PHIP: variants seen among roughly 807,000 people sequenced by gnomAD.
The protein encoded by PHIP is PH-interacting protein.
Under a neutral mutation model 236.8 loss-of-function variants are expected in PHIP, and 54 were observed. The ratio of observed to expected loss-of-function variants is 0.23; its 90% CI spans 0.18 to 0.29. The LOEUF (loss-of-function observed/expected upper bound fraction) is 0.29, where lower values mean the gene tolerates loss of function less well. Among genes scored for constraint, PHIP ranks in the 10% least tolerant of loss-of-function variants. The pLI is 1.00. For missense variants in PHIP, 1,370 were observed against 2,190.8 expected (o/e 0.63, Z 7.48); for synonymous variants, 756 against 718.9 (o/e 1.05, Z -0.83).
intron 19 of PHIP, 53 bp from the exon 20 acceptor site, chr6:78,991,038 T>A (rs2127724001): frequency 9.3e-7 from 1 of 1,070,016 alleles, no homozygotes; most frequent in South Asian, 1.4e-5. Flanking sequence ...ATAACTTTCC[T>A]CCAAAAGGAA....
At chr6:78,985,484 G>T in intron 21 of PHIP, 56 bp from the exon 22 acceptor site, 2 of 889,634 alleles carry the variant, frequency 2.2e-6, no homozygotes, top group Non-Finnish European at 3.8e-6. Context: ...AACATTTTAT[G>T]ATTACAGAAA....
Position 78,941,317 on chromosome 6 carries a change from G to A in PHIP, c.4842C>T (p.Asn1614=), listed in dbSNP as rs1230601411. 2 of 1,612,530 alleles carry A rather than the reference G, an allele frequency of 1.2e-6. No homozygotes were observed. The highest frequency in any genetic ancestry group is 2.2e-5 in the South Asian group (2 of 90,982). The part of the protein sequence containing the change: ...SAVIEQGDCK[N]NALVPGTIQV... ...GAATGGTTCCTGGTACAAGAGCGTT[G>A]TTCTTACAATCTCCTAAAAGGGAAC... The change falls in exon 40 of 40, where the codon AAC becomes AAT. Residue 1614 remains asparagine, a synonymous_variant. Coordinates refer to ENST00000275034, the MANE Select transcript of PHIP (RefSeq NM_017934.7).
At chr6:79,031,209 G>A (rs914749856) in intron 7 of PHIP, among the ~76,000 whole-genome samples, 2 of 152,118 alleles carry the variant, frequency 1.3e-5, no homozygotes, top group Non-Finnish European at 2.9e-5. Flanking sequence ...CTCCTAAAGT[G>A]CTGGGATTAT....
At chr6:79,075,158 C>T (rs1187423154) in intron 4 of PHIP, among the ~76,000 whole-genome samples, 1 of 151,972 alleles carries the variant, frequency 6.6e-6, no homozygotes, top group Non-Finnish European at 1.5e-5. Flanking sequence ...TATTAAACAG[C>T]GAGATCAACT....
chr6:79,001,148 TAGA>T (rs1769967403), intron 17 of PHIP, among the ~76,000 whole-genome samples: 1 of 152,104 alleles, frequency 6.6e-6, no homozygotes, highest in African/African-American at 2.4e-5. Flanking sequence ...AAAAATATAG[TAGA>T]AGTATTCATA....
At chr6:79,022,131 G>A (rs1418025452) in intron 9 of PHIP, among the ~76,000 whole-genome samples, 2 of 152,094 alleles carry the variant, frequency 1.3e-5, no homozygotes, top group African/African-American at 4.8e-5. Context: ...AAGGGCCTTG[G>A]GCCGAGTTCA....
At chr6:78,962,743 A>G (rs889344009) in intron 30 of PHIP, among the ~76,000 whole-genome samples, 3 of 152,070 alleles carry the variant, frequency 2.0e-5, no homozygotes, top group African/African-American at 7.2e-5. Flanking sequence ...AGTACAAGCT[A>G]CCCATATAAT....
At chr6:79,052,980 A>G (rs1275554553) in intron 6 of PHIP, among the ~76,000 whole-genome samples, 2 of 152,166 alleles carry the variant, frequency 1.3e-5, no homozygotes, top group Non-Finnish European at 2.9e-5. Context: ...CAGAGATATA[A>G]TGTCATTGGT....
At chr6:78,998,135 G>T in intron 18 of PHIP, 119 bp downstream of exon 18, 4 of 676,266 alleles carry the variant, frequency 5.9e-6, no homozygotes, top group Non-Finnish European at 7.5e-6. Context: ...GATCATTTTG[G>T]CAACCTAATA....
intron 31 of PHIP, among the ~76,000 whole-genome samples, chr6:78,959,733 A>G (rs577525918): frequency 1.3e-5 from 2 of 152,140 alleles, no homozygotes; most frequent in Non-Finnish European, 2.9e-5. Context: ...TTTTTCCTAA[A>G]TTGGCTACAA....
chr6:78,962,065 T>C (rs1766817270), intron 30 of PHIP, among the ~76,000 whole-genome samples: 1 of 152,130 alleles, frequency 6.6e-6, no homozygotes, highest in Admixed American at 6.5e-5. Context: ...TATATATACA[T>C]ATATCAGACC....
At chr6:78,997,803 T>C (rs1769721155) in intron 18 of PHIP, among the ~76,000 whole-genome samples, 1 of 152,178 alleles carries the variant, frequency 6.6e-6, no homozygotes, top group African/African-American at 2.4e-5. Flanking sequence ...GATAAGTCAA[T>C]GAATCATAAC....
chr6:79,075,529 G>A (rs1774107026), intron 4 of PHIP, among the ~76,000 whole-genome samples: 2 of 151,450 alleles, frequency 1.3e-5, no homozygotes, highest in South Asian at 2.1e-4. Flanking sequence ...TTAAATCTGC[G>A]ATGCAGACTA....
At position 78,936,584 on chromosome 6, in the gene PHIP, A is replaced by G. The variant is rs1397278525; in HGVS notation, c.*4109T>C. 6.6e-6 allele frequency: 1 copy of G among 151,884 alleles called. No individual in the cohort carries two copies. 9.4% of individuals were successfully genotyped at this position (151,884 alleles called of 1,614,324 possible). On this transcript the variant is annotated 3_prime_UTR_variant, in exon 40 of 40. Coordinates refer to ENST00000275034, the MANE Select transcript of PHIP (RefSeq NM_017934.7). ...ATGCACTAAGTATTTGGTCTGTGCC[A>G]TAAGGTTAATTTCCTGATAATTTTT... is the stretch of plus-strand genomic sequence containing the variant.
At chr6:79,017,976 A>C (rs76500487) in intron 10 of PHIP, among the ~76,000 whole-genome samples, 5,593 of 152,008 alleles carry the variant, frequency 0.037, 98 homozygotes, top group Middle Eastern at 0.058. Flanking sequence ...CAACTCCCTC[A>C]GTAACTTTTC....
intron 9 of PHIP, among the ~76,000 whole-genome samples, chr6:79,022,011 C>T (rs547583011): frequency 7.2e-5 from 11 of 151,992 alleles, no homozygotes; most frequent in South Asian, 2.1e-4. Flanking sequence ...ACTACATACC[C>T]ACAAAAACTA....
At chr6:78,999,402 C>T (rs1226092567) in intron 17 of PHIP, among the ~76,000 whole-genome samples, 1 of 152,096 alleles carries the variant, frequency 6.6e-6, no homozygotes, top group Non-Finnish European at 1.5e-5. Flanking sequence ...GAATTACCTG[C>T]TACCCTCTTT....
intron 4 of PHIP, among the ~76,000 whole-genome samples, chr6:79,077,126 G>C (rs1774208235): frequency 6.6e-6 from 1 of 151,770 alleles, no homozygotes; most frequent in Admixed American, 6.6e-5. Flanking sequence ...CGACTCTCGC[G>C]CGCCCCCGCG....
chr6:79,077,994 C>T, intron 1 of PHIP, 35 bp downstream of exon 1: 5 of 1,606,564 alleles, frequency 3.1e-6, no homozygotes, highest in Non-Finnish European at 4.2e-6. Flanking sequence ...GCGGAATCGC[C>T]CGGTGCCAGC....
Sources: gnomAD v4.1 joint callset for allele counts (sites outside exome capture counted in the v4.1 genomes callset) on GRCh38, gnomAD v4.1.1 for gene constraint, MANE v1.5 for transcripts, NCBI Gene and HGNC (gene_info 2026-07-23, HGNC 2026-07-21) for gene names.